Variants in CKAP2L observed in about 807,000 individuals in gnomAD.
CKAP2L encodes cytoskeleton-associated protein 2-like.
CKAP2L carries 42 observed loss-of-function variants against 65.7 expected under a neutral mutation model. The ratio of observed to expected loss-of-function variants is 0.64; its 90% CI spans 0.50 to 0.83. The LOEUF (loss-of-function observed/expected upper bound fraction) is 0.83. Ranked by LOEUF, CKAP2L falls within the 40% of genes least tolerant of loss-of-function variation. CKAP2L has a pLI of 0.00. For missense variants in CKAP2L, 908 were observed against 871.0 expected (o/e 1.04, Z -0.53); for synonymous variants, 325 against 313.5 (o/e 1.04, Z -0.39).
At chr2:112,762,833 G>C (rs961097282) in intron 1 of CKAP2L, among the ~76,000 whole-genome samples, 5 of 150,992 alleles carry the variant, frequency 3.3e-5, no homozygotes, top group Admixed American at 1.3e-4. Context: ...ACTGAGGTTG[G>C]AGGGCAGTGG....
chr2:112,762,455 T>TA, intron 2 of CKAP2L, 48 bp downstream of exon 2: 1 of 1,438,648 alleles, frequency 7.0e-7, no homozygotes, highest in Non-Finnish European at 9.8e-7. Flanking sequence ...AAATTGCTAG[T>TA]ACAAAGAAGG....
chr2:112,740,748 T>C, intron 8 of CKAP2L, 70 bp downstream of exon 8: 1 of 1,307,496 alleles, frequency 7.6e-7, no homozygotes, highest in Non-Finnish European at 1.1e-6. Context: ...TCTAGATCTG[T>C]GAAGGAAAAA....
At chr2:112,746,209 A>T (rs959992699) in intron 6 of CKAP2L, among the ~76,000 whole-genome samples, 3 of 152,212 alleles carry the variant, frequency 2.0e-5, no homozygotes, top group African/African-American at 7.2e-5. Flanking sequence ...TTTAGAATTA[A>T]AAGTTATTTC....
In CKAP2L at chr2:112,756,241, T is replaced by TG; in HGVS notation, c.1129dup (p.Gln377ProfsTer4). 1 of 1,614,216 alleles carries TG rather than the reference T, an allele frequency of 6.2e-7. No individual in the cohort carries two copies. The highest frequency in any genetic ancestry group is 8.5e-7 in the Non-Finnish European group (1 of 1,180,028). On this transcript the variant is annotated frameshift_variant, in exon 4 of 9. Transcript: ENST00000302450. LOFTEE classifies it high-confidence loss of function. ...TCTGCCAACTGTCAAATTAGGCCTC[T>TG]GGCTTATGGCTTTTGACTTTTGCAG...
chr2:112,764,594 A>G lies in CKAP2L; in HGVS notation c.5T>C (p.Val2Ala). 6.2e-7 allele frequency: 1 copy of G among 1,614,096 alleles called. No homozygotes were observed. Among genetic ancestry groups the G allele is most frequent in the African/African-American group, 1.3e-5 (1 of 75,038 alleles). M[V>A]GPGPTAAAAV... Reference sequence around the variant, plus strand: ...GGCAGCAGCGGTAGGCCCGGGCCCCACCATGACTCTTCAGTGACAGTTTTT... The same window carrying G: ...GGCAGCAGCGGTAGGCCCGGGCCCCGCCATGACTCTTCAGTGACAGTTTTT... The change falls in exon 1 of 9, where the codon GTG (valine) becomes GCG (alanine). Residue 2 changes from valine (V) to alanine (A), a missense_variant. Val to Ala is a moderately conservative substitution (Grantham distance 64). Transcript: ENST00000302450.
At chr2:112,750,397 C>A (rs1680334793) in intron 5 of CKAP2L, among the ~76,000 whole-genome samples, 1 of 152,206 alleles carries the variant, frequency 6.6e-6, no homozygotes, top group African/African-American at 2.4e-5. Flanking sequence ...CCGAGGCAGC[C>A]ATGAATAAAT....
intron 8 of CKAP2L, 98 bp from the exon 9 acceptor site, chr2:112,739,146 T>C: frequency 1.1e-6 from 1 of 925,614 alleles, no homozygotes; most frequent in Non-Finnish European, 1.7e-6. Flanking sequence ...AGGGAAGACA[T>C]TTTAACATAG....
intron 5 of CKAP2L, among the ~76,000 whole-genome samples, chr2:112,747,453 G>A (rs1680236316): frequency 6.6e-6 from 1 of 152,150 alleles, no homozygotes; most frequent in Non-Finnish European, 1.5e-5. Context: ...AGGACTAATA[G>A]CAGTGTAAAG....
At chr2:112,745,151 G>C (rs893135090) in intron 6 of CKAP2L, among the ~76,000 whole-genome samples, 1 of 152,160 alleles carries the variant, frequency 6.6e-6, no homozygotes, top group Non-Finnish European at 1.5e-5. Context: ...TAAGCCAGAA[G>C]GGTCTAGGAG....
Position 112,737,394 on chromosome 2 carries a change from CAT to C in CKAP2L, c.*1427_*1428del, listed in dbSNP as rs1451011225. On this transcript the variant is annotated 3_prime_UTR_variant, in exon 9 of 9. Transcript: ENST00000302450. ...TCCACAATCTCATCAACATTTATCT[CAT>C]GTCTTGTTAATAGCCATTCTTATAG... The C allele has an allele frequency of 3.3e-5, 5 of 152,282 alleles. No homozygotes were observed. The highest frequency in any genetic ancestry group is 7.2e-5 in the African/African-American group (3 of 41,560). The allele number at this position is 152,282 out of a possible 1,614,324, so 9.4% of individuals were successfully genotyped here. A position where few individuals can be genotyped will look rare whatever the true frequency, so the allele number is the denominator to read the frequency against.
chr2:112,755,794 T>C (rs114543700), intron 4 of CKAP2L, among the ~76,000 whole-genome samples, 183 bp downstream of exon 4: 342 of 152,278 alleles, frequency 2.2e-3, no homozygotes, highest in African/African-American at 7.9e-3. Flanking sequence ...ATAACATGTG[T>C]ATGTACCACC....
chr2:112,746,707 T>C, intron 5 of CKAP2L, 132 bp from the exon 6 acceptor site: 1 of 566,472 alleles, frequency 1.8e-6, no homozygotes, highest in Non-Finnish European at 3.0e-6. Flanking sequence ...TAAAAAAATT[T>C]CAATTTTACT....
intron 6 of CKAP2L, among the ~76,000 whole-genome samples, chr2:112,743,445 A>G (rs1308951052): frequency 6.6e-6 from 1 of 151,358 alleles, no homozygotes; most frequent in Non-Finnish European, 1.5e-5. Context: ...CCTGGCCCCA[A>G]ACACAATGTT....
At chr2:112,764,149 CG>C (rs1680821185) in intron 1 of CKAP2L, 1 of 232,534 alleles carries the variant, frequency 4.3e-6, no homozygotes, top group African/African-American at 2.3e-5. Flanking sequence ...GCAGGAGACC[CG>C]GGCTTCGGCC....
chr2:112,749,711 G>T (rs536889057), intron 5 of CKAP2L, among the ~76,000 whole-genome samples: 6 of 152,282 alleles, frequency 3.9e-5, no homozygotes, highest in Non-Finnish European at 8.8e-5. Context: ...ATTTAGAAAT[G>T]AACAATGACA....
At chr2:112,739,113 T>G in intron 8 of CKAP2L, 65 bp from the exon 9 acceptor site, 3 of 1,255,726 alleles carry the variant, frequency 2.4e-6, no homozygotes, top group South Asian at 2.6e-5. Context: ...TATTATTTTT[T>G]GTTTCTTATT....
chr2:112,748,164 T>G (rs1268801757), intron 5 of CKAP2L, among the ~76,000 whole-genome samples: 2 of 152,030 alleles, frequency 1.3e-5, no homozygotes, highest in East Asian at 3.9e-4. Flanking sequence ...TTTCAAGAAA[T>G]GAACAAAGAA....
chr2:112,756,958 G>C lies in CKAP2L; in HGVS notation c.413C>G (p.Pro138Arg). The part of the protein sequence containing the change: ...SSTTGELSRK[P>R]VGSLNIEQLK... Reference sequence around the variant, plus strand: ...TTGCTCTATATTAAGTGACCCCACAGGTTTTCTTGACAGTTCTCCTGTTGT... The same window carrying C: ...TTGCTCTATATTAAGTGACCCCACACGTTTTCTTGACAGTTCTCCTGTTGT... The change falls in exon 4 of 9, where the codon CCT becomes CGT. Residue 138 changes from proline to arginine, a missense_variant. By Grantham distance (103) the Pro-to-Arg change is moderately radical (BLOSUM62 -2). Transcript: ENST00000302450. 1.2e-6 allele frequency: 2 copies of C among 1,614,188 alleles called. No homozygotes were observed. The highest frequency in any genetic ancestry group is 1.7e-6 in the Non-Finnish European group (2 of 1,180,030).
chr2:112,760,698 C>T lies in CKAP2L; in HGVS notation c.156+15G>A. 3 of 1,356,694 alleles carry T rather than the reference C, an allele frequency of 2.2e-6. No individual in the cohort carries two copies. Among genetic ancestry groups the T allele is most frequent in the Non-Finnish European group, 3.1e-6 (3 of 968,378 alleles). 84.0% of individuals were successfully genotyped at this position (1,356,694 alleles called of 1,614,324 possible). On this transcript the variant is annotated intron_variant, in intron 3 of 8. Transcript: ENST00000302450. ...TTATGAATGCATATTTTTAAAAAGA[C>T]TAATTTCTACTTACAGATTTAGAAG...
Sources: gnomAD v4.1 joint callset for allele counts (sites outside exome capture counted in the v4.1 genomes callset) on GRCh38, gnomAD v4.1.1 for gene constraint, MANE v1.5 for transcripts, NCBI Gene and HGNC (gene_info 2026-07-23, HGNC 2026-07-21) for gene names.